DCBLD1: variants seen among roughly 807,000 people sequenced by gnomAD.
The protein encoded by DCBLD1 is discoidin, CUB and LCCL domain containing 1, also known as discoidin, CUB and LCCL domain-containing protein 1.
A neutral mutation model predicts 71.5 loss-of-function variants in DCBLD1; 57 were observed. That is an observed-to-expected ratio of 0.80 (90% confidence interval 0.64 to 0.99). DCBLD1 has a LOEUF of 0.99. DCBLD1 is among the 50% of genes least tolerant of loss of function. The pLI is 0.00. For synonymous variants in DCBLD1, 380 were observed against 363.8 expected, an observed-to-expected ratio of 1.04 and a Z score of -0.51; for missense variants, 891 against 923.5, an observed-to-expected ratio of 0.96 and a Z score of 0.46.
chr6:117,511,707 A>C (rs1778027812), intron 2 of DCBLD1, among the ~76,000 whole-genome samples: 1 of 152,250 alleles, frequency 6.6e-6, no homozygotes. Flanking sequence ...GAAGTTTTTT[A>C]AATCCCAAAG....
chr6:117,544,935 C>T (rs573062802), intron 13 of DCBLD1, among the ~76,000 whole-genome samples: 1 of 150,756 alleles, frequency 6.6e-6, no homozygotes, highest in Admixed American at 6.6e-5. Flanking sequence ...CTGTACTTTC[C>T]ACCCTGAGAA....
intron 1 of DCBLD1, among the ~76,000 whole-genome samples, chr6:117,485,795 T>G (rs1350012743): frequency 1.3e-5 from 2 of 152,202 alleles, no homozygotes; most frequent in Admixed American, 6.5e-5. Context: ...CTGCTTCTAC[T>G]AATTAATTTT....
intron 14 of DCBLD1, chr6:117,562,206 C>T (rs1275247937): frequency 4.8e-6 from 1 of 207,668 alleles, no homozygotes; most frequent in Non-Finnish European, 9.8e-6. Context: ...CATAAACTGA[C>T]ATGAAAACCC....
intron 14 of DCBLD1, among the ~76,000 whole-genome samples, chr6:117,555,079 G>A (rs1779479862): frequency 6.6e-6 from 1 of 152,102 alleles, no homozygotes; most frequent in African/African-American, 2.4e-5. Flanking sequence ...ATGTATTTTG[G>A]TAATTTGTGG....
At chr6:117,554,338 T>A (rs1308109700), downstream of DCBLD1, among the ~76,000 whole-genome samples, 1 of 152,256 alleles carries the variant, frequency 6.6e-6, no homozygotes. Context: ...AGATTTATTA[T>A]GTTGAGGTAA....
chr6:117,502,962 G>A (rs1169132319), intron 1 of DCBLD1, among the ~76,000 whole-genome samples: 5 of 152,234 alleles, frequency 3.3e-5, no homozygotes, highest in South Asian at 2.1e-4. Context: ...CTGGTAATTC[G>A]CTGCAACATT....
At chr6:117,509,465 T>G (rs551225683) in intron 2 of DCBLD1, among the ~76,000 whole-genome samples, 1 of 152,138 alleles carries the variant, frequency 6.6e-6, no homozygotes, top group East Asian at 1.9e-4. Context: ...AAAATAATAG[T>G]ATCTACCACA....
rs1165232645 is a variant in DCBLD1 at position 117,482,748 on chromosome 6, G to A, written c.-34G>A. 18 of 1,124,588 alleles carry A rather than the reference G, an allele frequency of 1.6e-5. No homozygotes were observed. Among genetic ancestry groups the A allele is most frequent in the African/African-American group, 3.3e-5 (2 of 60,614 alleles). 69.7% of individuals were successfully genotyped at this position (1,124,588 alleles called of 1,614,324 possible). On this transcript the variant is annotated 5_prime_UTR_variant, in exon 1 of 15. Transcript: ENST00000338728. ...TGCGGCTCGGGATCCGTCGAGGGGAGGCCGAGCTTGCCAAGCTGGCGCCCA... is the reference window on the plus strand; with the variant it reads ...TGCGGCTCGGGATCCGTCGAGGGGAAGCCGAGCTTGCCAAGCTGGCGCCCA...
At chr6:117,484,619 G>A (rs1777021414) in intron 1 of DCBLD1, among the ~76,000 whole-genome samples, 1 of 152,188 alleles carries the variant, frequency 6.6e-6, no homozygotes, top group African/African-American at 2.4e-5. Context: ...AAGGTGCTGG[G>A]ACTACAGGCA....
chr6:117,568,026 C>CA (rs779227271), intron 14 of DCBLD1, among the ~76,000 whole-genome samples: 4,335 of 46,306 alleles, frequency 0.094, 180 homozygotes, highest in African/African-American at 0.2. Context: ...CCCATCTCTA[C>CA]AAAAAAAAAA....
intron 6 of DCBLD1, among the ~76,000 whole-genome samples, chr6:117,535,942 A>T (rs1778868701): frequency 6.6e-6 from 1 of 152,200 alleles, no homozygotes; most frequent in African/African-American, 2.4e-5. Context: ...TCATGTAAGT[A>T]ATGATTGGTG....
intron 1 of DCBLD1, among the ~76,000 whole-genome samples, chr6:117,498,271 A>G (rs558381194): frequency 6.6e-6 from 1 of 152,344 alleles, no homozygotes; most frequent in African/African-American, 2.4e-5. Flanking sequence ...CTGTGGCTCC[A>G]AACAGACACC....
intron 1 of DCBLD1, among the ~76,000 whole-genome samples, chr6:117,488,158 T>G (rs1193447132): frequency 6.6e-6 from 1 of 152,170 alleles, no homozygotes; most frequent in Non-Finnish European, 1.5e-5. Flanking sequence ...CAGCCTCTTC[T>G]TTCACCGCTA....
downstream of DCBLD1, among the ~76,000 whole-genome samples, chr6:117,551,632 GCCTC>G (rs1295455579): frequency 6.6e-6 from 1 of 152,160 alleles, no homozygotes; most frequent in Non-Finnish European, 1.5e-5. Context: ...GCCATCCTCG[GCCTC>G]CCAAAGTGCT....
At chr6:117,558,118 G>C (rs1383572157) in intron 14 of DCBLD1, among the ~76,000 whole-genome samples, 2 of 152,184 alleles carry the variant, frequency 1.3e-5, no homozygotes, top group Admixed American at 6.5e-5. Context: ...ATCTCCCCAT[G>C]GTTCTAGGTT....
chr6:117,490,944 A>G (rs778221072), intron 1 of DCBLD1, among the ~76,000 whole-genome samples: 1 of 152,256 alleles, frequency 6.6e-6, no homozygotes, highest in African/African-American at 2.4e-5. Context: ...CTTGAAAAAC[A>G]AAGGAAAGAA....
intron 2 of DCBLD1, among the ~76,000 whole-genome samples, chr6:117,516,018 C>T (rs1016293053): frequency 3.3e-5 from 5 of 151,986 alleles, no homozygotes; most frequent in African/African-American, 1.2e-4. Flanking sequence ...TTAACAAGCA[C>T]TTATATAGCT....
intron 5 of DCBLD1, among the ~76,000 whole-genome samples, chr6:117,527,331 T>C (rs1778577310): frequency 6.6e-6 from 1 of 152,158 alleles, no homozygotes; most frequent in Non-Finnish European, 1.5e-5. Flanking sequence ...TCATGGGGGT[T>C]ATCTTAGAGT....
rs1431569287 is a variant in DCBLD1, at chr6:117,545,502, C to T, written c.1520C>T (p.Pro507Leu). The change falls in exon 14 of 15, where the codon CCC becomes CTC. Residue 507 changes from proline to leucine, a missense_variant. Transcript: ENST00000338728. ...KTDCWKQIKY[P>L]FARHQSAEFT... ...GACTGTTGGAAGCAGATTAAATATCCCTTTGCCAGACATCAGTCAGCTGAG... is the reference window on the plus strand; with the variant it reads ...GACTGTTGGAAGCAGATTAAATATCTCTTTGCCAGACATCAGTCAGCTGAG... 1 of 1,613,868 alleles carries T rather than the reference C, an allele frequency of 6.2e-7. No individual in the cohort carries two copies. Among genetic ancestry groups the T allele is most frequent in the African/African-American group, 1.3e-5 (1 of 74,880 alleles).
Sources: gnomAD v4.1 joint callset for allele counts (sites outside exome capture counted in the v4.1 genomes callset) on GRCh38, gnomAD v4.1.1 for gene constraint, MANE v1.5 for transcripts, NCBI Gene and HGNC (gene_info 2026-07-23, HGNC 2026-07-21) for gene names.